XG: variants seen among roughly 807,000 people sequenced by gnomAD.
The protein encoded by XG is glycoprotein Xg.
In XG, 24 loss-of-function variants were observed where a neutral mutation model predicts 25.7. That is an observed-to-expected ratio of 0.93 (90% CI 0.68 to 1.31). XG has a LOEUF of 1.31. XG is among the 40% of genes most tolerant of loss of function. XG has a pLI of 0.00. For missense variants in XG, 181 were observed against 187.6 expected, an observed-to-expected ratio of 0.96 and a Z score of 0.21; for synonymous variants, 77 against 69.2, an observed-to-expected ratio of 1.11 and a Z score of -0.56.
chrX:2,759,328 C>A (rs1476243228), intron 1 of XG, among the ~76,000 whole-genome samples: 1 of 152,180 alleles, frequency 6.6e-6, no homozygotes, highest in African/African-American at 2.4e-5. Flanking sequence ...TAACTTCTAA[C>A]CCTGCGAAAG....
chrX:2,762,899 C>T (rs2050596490), intron 1 of XG, among the ~76,000 whole-genome samples: 1 of 152,202 alleles, frequency 6.6e-6, no homozygotes, highest in Admixed American at 6.5e-5. Flanking sequence ...TTCCAGGCAC[C>T]TCGCTGGCCT....
At position 2,808,224 on chromosome X, in the gene XG, A is replaced by G. The variant is rs780954413; in HGVS notation, c.454+4A>G. The G allele has an allele frequency of 3.2e-5, 39 of 1,210,983 alleles. No individual in the cohort carries two copies. The highest frequency in any genetic ancestry group is 4.2e-5 in the Non-Finnish European group (38 of 895,047). ...TCAACGTATGGCAATCCAGAAGGTA[A>G]CTGATTGACTCACCCGGTCCCAACC... On this transcript the variant is annotated splice_donor_region_variant and intron_variant, in intron 9 of 10. Coordinates refer to ENST00000644266, the MANE Select transcript of XG (RefSeq NM_001141919.2).
At chrX:2,760,240 G>C (rs1439112944) in intron 1 of XG, among the ~76,000 whole-genome samples, 6 of 152,018 alleles carry the variant, frequency 3.9e-5, no homozygotes, top group Non-Finnish European at 1.5e-5. Context: ...TGATGTTGCT[G>C]AGATGAAACT....
intron 1 of XG, chrX:2,753,017 A>T: frequency 1.4e-5 from 14 of 979,366 alleles, no homozygotes; most frequent in Non-Finnish European, 1.7e-5. Flanking sequence ...TTCTTTGGTC[A>T]TTTTCATGTG....
At chrX:2,757,416 C>G (rs998970591) in intron 1 of XG, among the ~76,000 whole-genome samples, 50 of 151,248 alleles carry the variant, frequency 3.3e-4, no homozygotes, top group South Asian at 6.3e-4. Flanking sequence ...GGGAACTGCC[C>G]TCTTGTATCT....
chrX:2,766,426 A>C (rs907366735), intron 1 of XG, among the ~76,000 whole-genome samples: 15 of 151,446 alleles, frequency 9.9e-5, no homozygotes, highest in African/African-American at 3.4e-4. Flanking sequence ...GGCGTGAGCC[A>C]CCGCACCCGG....
chrX:2,763,790 T>A (rs73190929), intron 1 of XG, among the ~76,000 whole-genome samples: 13,493 of 152,222 alleles, frequency 0.089, 650 homozygotes, highest in Middle Eastern at 0.14. Context: ...GGTTGCTTGA[T>A]GCCCTCTAAA....
intron 1 of XG, among the ~76,000 whole-genome samples, chrX:2,769,916 C>T (rs2050776233): frequency 1.3e-5 from 2 of 151,918 alleles, no homozygotes; most frequent in South Asian, 4.2e-4. Context: ...GCAAAGGTGT[C>T]CTATGCTCCA....
intron 1 of XG, among the ~76,000 whole-genome samples, chrX:2,753,647 A>G (rs772615300): frequency 1.3e-5 from 2 of 152,038 alleles, no homozygotes; most frequent in South Asian, 2.1e-4. Context: ...CAGTGACACA[A>G]TCTGAGCTCA....
At chrX:2,757,011 G>T (rs2050450366) in intron 1 of XG, among the ~76,000 whole-genome samples, 1 of 152,202 alleles carries the variant, frequency 6.6e-6, no homozygotes, top group African/African-American at 2.4e-5. Context: ...ACACGAACCA[G>T]CTGAAGGATG....
intron 1 of XG, among the ~76,000 whole-genome samples, chrX:2,770,263 A>C (rs2050787719): frequency 6.6e-6 from 1 of 151,688 alleles, no homozygotes; most frequent in Non-Finnish European, 1.5e-5. Context: ...TTTGCAGAAC[A>C]GACAATTCAT....
intron 1 of XG, among the ~76,000 whole-genome samples, chrX:2,762,642 T>A (rs2050589963): frequency 6.6e-6 from 1 of 152,210 alleles, no homozygotes; most frequent in Non-Finnish European, 1.5e-5. Context: ...GGGGCTAAAG[T>A]AGAATTCAGC....
rs188956622 is a variant in XG at position 2,762,428 on chromosome X, G to C, written c.62-8122G>C. ...GATGCTGAGACCGTGGAGGGTTCAT[G>C]GGTTCCGAGGAGCAGATCATGCACC... On this transcript the variant is annotated intron_variant, in intron 1 of 10. Coordinates refer to ENST00000644266, the MANE Select transcript of XG (RefSeq NM_001141919.2). 6.5e-4 allele frequency among the ~76,000 whole-genome samples: 99 copies of C among 152,124 alleles called. 1 individual carries two copies. The Middle Eastern group carries it at 0.014, about 21-fold the overall frequency.
chrX:2,782,224 ATGTG>A, intron 4 of XG, 96 bp downstream of exon 4: 2 of 953,083 alleles, frequency 2.1e-6, no homozygotes, highest in Non-Finnish European at 3.0e-6. Flanking sequence ...CATTTGAAAT[ATGTG>A]TGTAATAGCT....
chrX:2,781,281 G>A (rs1356022103), intron 3 of XG, among the ~76,000 whole-genome samples: 1 of 151,234 alleles, frequency 6.6e-6, no homozygotes. Context: ...TTTACTGGGG[G>A]TCTGCAGAAA....
rs748802044 is a variant in XG at position 2,756,705 on chromosome X, C to T, written c.61+4370C>T. On this transcript the variant is annotated intron_variant, in intron 1 of 10. Coordinates refer to ENST00000644266, the MANE Select transcript of XG (RefSeq NM_001141919.2). The stretch of plus-strand genomic sequence containing the variant: ...GATTTGAAACCTGAGAGTTCCCTGA[C>T]GCCCCCTCACAGGATGTGCAACAGG... 1.1e-4 allele frequency among the ~76,000 whole-genome samples: 17 copies of T among 152,244 alleles called. No homozygotes were observed. In the East Asian group the frequency reaches 3.1e-3, roughly 28 times the overall value.
At position 2,786,762 on chromosome X, in the gene XG, T is replaced by C. The variant is rs774167872; in HGVS notation, c.191-2882T>C. 6.3e-5 allele frequency among the ~76,000 whole-genome samples: 7 copies of C among 110,883 alleles called. No homozygotes were observed. In the East Asian group the frequency reaches 2.0e-3, roughly 31 times the overall value. On this transcript the variant is annotated intron_variant, in intron 4 of 10. Transcript: ENST00000644266. ...ATGAGGTCACTAGGGTGGGTCCGGA[T>C]CCAATAGGACTAGTATCCTAATAAG...
intron 7 of XG, among the ~76,000 whole-genome samples, chrX:2,800,791 C>T (rs1377063053): frequency 4.5e-5 from 5 of 110,868 alleles, no homozygotes; most frequent in Non-Finnish European, 9.4e-5. Context: ...AGTTCAAGAC[C>T]AGCCTGGGCA....
intron 7 of XG, among the ~76,000 whole-genome samples, chrX:2,802,568 G>C (rs1361611210): frequency 9.1e-6 from 1 of 110,476 alleles, no homozygotes; most frequent in Non-Finnish European, 1.9e-5. Context: ...CTGAGTGGTT[G>C]GTTGGAGGTG....
Sources: allele counts gnomAD v4.1 joint callset (sites outside exome capture counted in the v4.1 genomes callset), GRCh38; gene constraint gnomAD v4.1.1; transcripts MANE v1.5; gene names NCBI Gene and HGNC (gene_info 2026-07-23, HGNC 2026-07-21).